The following XPO4 variants were observed in gnomAD, a reference collection of about 807,000 sequenced individuals.
The protein encoded by XPO4 is exportin-4.
Under a neutral mutation model 143.0 loss-of-function variants are expected in XPO4, and 39 were observed. That is an observed-to-expected ratio of 0.27 (90% CI 0.21 to 0.36). XPO4 has a LOEUF of 0.36. Among genes scored for constraint, XPO4 ranks in the 10% least tolerant of loss-of-function variants. The pLI is 1.00. For synonymous variants in XPO4, 439 were observed against 474.0 expected (o/e 0.93, Z 0.96); for missense variants, 907 against 1,348.0 (o/e 0.67, Z 5.12).
intron 6 of XPO4, among the ~76,000 whole-genome samples, chr13:20,836,382 TTTCC>T (rs2059917176): frequency 1.3e-5 from 2 of 152,216 alleles, no homozygotes; most frequent in Non-Finnish European, 2.9e-5. Flanking sequence ...CTATCTTTGC[TTTCC>T]AAACACTCCT....
chr13:20,856,199 C>T (rs140528574), intron 3 of XPO4: 39 of 390,208 alleles, frequency 1.0e-4, no homozygotes, highest in African/African-American at 8.1e-4. Flanking sequence ...GAGATAAATT[C>T]TGATCTAACC....
chr13:20,888,947 C>T (rs1236549612), intron 1 of XPO4, among the ~76,000 whole-genome samples: 3 of 152,022 alleles, frequency 2.0e-5, no homozygotes, highest in East Asian at 3.9e-4. Flanking sequence ...GGGTCACAGG[C>T]GTGTGCCACC....
chr13:20,832,178 A>G (rs1317497232), intron 6 of XPO4, among the ~76,000 whole-genome samples: 1 of 152,194 alleles, frequency 6.6e-6, no homozygotes, highest in African/African-American at 2.4e-5. Flanking sequence ...CCAGAAGGAC[A>G]GCTTAATCGC....
At position 20,827,265 on chromosome 13, in the gene XPO4, G is replaced by T. The variant is rs2059796787; in HGVS notation, c.728-86C>A. 7.6e-6 allele frequency: 7 copies of T among 915,382 alleles called. No individual in the cohort carries two copies. In the Admixed American group the frequency reaches 1.1e-4, roughly 15 times the overall value. The allele number at this position is 915,382 out of a possible 1,614,324, so 56.7% of individuals were successfully genotyped here. On this transcript the variant is annotated intron_variant, in intron 6 of 22. Transcript: ENST00000255305. ...TCCTAAATATAACAGGAGCCATCTA[G>T]AAAGAATTTGTAATGGTAACAGTTT...
chr13:20,845,417 T>C (rs952191520), intron 4 of XPO4, among the ~76,000 whole-genome samples: 2 of 152,214 alleles, frequency 1.3e-5, no homozygotes, highest in Non-Finnish European at 2.9e-5. Context: ...AACACACACA[T>C]TTTGTAATTT....
chr13:20,799,195 G>A lies in XPO4; in HGVS notation c.2292C>T (p.Asp764=), dbSNP rs2059399781. The change falls in exon 16 of 23, where the codon GAC becomes GAT. Residue 764 remains aspartate (D), a synonymous_variant. Transcript: ENST00000255305. ...TCCAATACTGCTGTTTGGTTTCTGTGTCCATATGTGCAAAACCTCCTAAGA... is the reference window on the plus strand; with the variant it reads ...TCCAATACTGCTGTTTGGTTTCTGTATCCATATGTGCAAAACCTCCTAAGA... ...ALVLGGFAHM[D]TETKQQYWTE... is the part of the protein sequence containing the mutation. 1 of 1,611,502 alleles carries A rather than the reference G, an allele frequency of 6.2e-7. No individual in the cohort carries two copies. Among genetic ancestry groups the A allele is most frequent in the African/African-American group, 1.3e-5 (1 of 74,972 alleles).
chr13:20,835,938 T>C (rs541852245), intron 6 of XPO4, among the ~76,000 whole-genome samples: 13 of 152,326 alleles, frequency 8.5e-5, no homozygotes, highest in African/African-American at 3.1e-4. Flanking sequence ...CTAAATATCA[T>C]TTATCTTCCT....
intron 22 of XPO4, among the ~76,000 whole-genome samples, chr13:20,786,020 G>A (rs1191681386): frequency 6.8e-6 from 1 of 147,212 alleles, no homozygotes; most frequent in Non-Finnish European, 1.5e-5. Context: ...GGAAGGATCA[G>A]ACAAGACGAC....
rs1327009460 is a variant in XPO4, at chr13:20,779,923, A to G, written c.*3799T>C. On this transcript the variant is annotated 3_prime_UTR_variant, in exon 23 of 23. Transcript: ENST00000255305. ...CAATATGCCTAATTTGGACATTTTA[A>G]TTTTAGAAAACCAATTTTTAAAAAT... 2 of 152,520 alleles carry G rather than the reference A, an allele frequency of 1.3e-5. No individual in the cohort carries two copies. Among genetic ancestry groups the G allele is most frequent in the Non-Finnish European group, 2.9e-5 (2 of 68,036 alleles). 9.4% of individuals were successfully genotyped at this position (152,520 alleles called of 1,614,324 possible).
At chr13:20,828,935 A>G (rs1166098272) in intron 6 of XPO4, among the ~76,000 whole-genome samples, 1 of 152,216 alleles carries the variant, frequency 6.6e-6, no homozygotes, top group Non-Finnish European at 1.5e-5. Context: ...ATTTGCTTCA[A>G]AATATTCTGG....
intron 2 of XPO4, among the ~76,000 whole-genome samples, chr13:20,863,896 T>C (rs1048462168): frequency 2.0e-5 from 3 of 152,180 alleles, no homozygotes; most frequent in African/African-American, 7.2e-5. Context: ...TTCTCTCCTA[T>C]TCAAGCTCAG....
intron 9 of XPO4, among the ~76,000 whole-genome samples, chr13:20,811,612 C>T (rs1257536898): frequency 6.6e-6 from 1 of 152,040 alleles, no homozygotes; most frequent in Admixed American, 6.6e-5. Flanking sequence ...AAAGGAAAAT[C>T]AGACTGCTTA....
chr13:20,856,077 A>G (rs1261214122), intron 3 of XPO4, among the ~76,000 whole-genome samples: 1 of 152,212 alleles, frequency 6.6e-6, no homozygotes, highest in Middle Eastern at 3.2e-3. Context: ...AGTACATACT[A>G]AGCACTATAC....
chr13:20,811,212 T>C (rs917983688), intron 9 of XPO4, among the ~76,000 whole-genome samples: 3 of 151,690 alleles, frequency 2.0e-5, no homozygotes, highest in African/African-American at 7.3e-5. Flanking sequence ...TGACAGGCTA[T>C]GACAAGGACA....
chr13:20,856,761 A>G lies in XPO4; in HGVS notation c.318-996T>C, dbSNP rs1030727998. 1.3e-5 allele frequency: 11 copies of G among 848,404 alleles called. No individual in the cohort carries two copies. The African/African-American group carries it at 2.0e-4, about 16-fold the overall frequency. The allele number at this position is 848,404 out of a possible 1,614,324, so 52.6% of individuals were successfully genotyped here. A position where few individuals can be genotyped will look rare whatever the true frequency, so the allele number is the denominator to read the frequency against. On this transcript the variant is annotated intron_variant, in intron 3 of 22. Transcript: ENST00000255305. ...CCCTTCCACACACACGCACAACTGCAGACATATTGACCTTTCAGTTCCTCA... is the reference window on the plus strand; with the variant it reads ...CCCTTCCACACACACGCACAACTGCGGACATATTGACCTTTCAGTTCCTCA...
intron 2 of XPO4, among the ~76,000 whole-genome samples, chr13:20,865,232 G>A (rs1057049608): frequency 2.6e-5 from 4 of 151,492 alleles, no homozygotes; most frequent in Admixed American, 6.6e-5. Flanking sequence ...TCTGCCTCCC[G>A]GGTTCAAGTG....
chr13:20,862,850 T>C lies in XPO4; in HGVS notation c.184A>G (p.Lys62Glu). The change falls in exon 3 of 23, where the codon AAA becomes GAA. Residue 62 changes from lysine (K) to glutamate (E), a missense_variant. Physicochemically the swap from Lys to Glu is moderately conservative, Grantham distance 56. Transcript: ENST00000255305. ...AVCKHILETSKVDYVLFQAAT... is the reference protein window; with the variant it reads ...AVCKHILETSEVDYVLFQAAT... ...GCTTGAAAGAGGACATAGTCCACTT[T>C]ACTAGTTTCTGAGGAGAAAATTAAA... 1 of 1,613,752 alleles carries C rather than the reference T, an allele frequency of 6.2e-7. No individual in the cohort carries two copies. Among genetic ancestry groups the C allele is most frequent in the Non-Finnish European group, 8.5e-7 (1 of 1,179,864 alleles).
At chr13:20,788,389 A>C in intron 20 of XPO4, 97 bp downstream of exon 20, 1 of 1,500,074 alleles carries the variant, frequency 6.7e-7, no homozygotes, top group South Asian at 1.3e-5. Flanking sequence ...TTGAACCATA[A>C]AAGAAAAATG....
intron 6 of XPO4, among the ~76,000 whole-genome samples, chr13:20,828,907 A>G (rs73437424): frequency 0.018 from 2,696 of 152,250 alleles, 96 homozygotes; most frequent in African/African-American, 0.06. Context: ...CAATATACTG[A>G]TTTATCTGAC....
Sources: gnomAD v4.1 joint callset for allele counts (sites outside exome capture counted in the v4.1 genomes callset) on GRCh38, gnomAD v4.1.1 for gene constraint, MANE v1.5 for transcripts, NCBI Gene and HGNC (gene_info 2026-07-23, HGNC 2026-07-21) for gene names.